Variants in MED12L observed in about 807,000 individuals in gnomAD.
The protein encoded by MED12L is mediator complex subunit 12L, also known as mediator of RNA polymerase II transcription subunit 12-like protein.
A neutral mutation model predicts 281.3 loss-of-function variants in MED12L; 60 were observed. That is an observed-to-expected ratio of 0.21 (90% CI 0.17 to 0.26). The LOEUF (loss-of-function observed/expected upper bound fraction) is 0.26. Among genes scored for constraint, MED12L ranks in the 10% least tolerant of loss-of-function variants. The probability of loss-of-function intolerance (pLI) is 1.00; values close to 1 mark genes in which losing one functional copy is unlikely to be tolerated. For missense variants in MED12L, 2,146 were observed against 2,680.9 expected, an observed-to-expected ratio of 0.80 and a Z score of 4.41; for synonymous variants, 974 against 987.2, an observed-to-expected ratio of 0.99 and a Z score of 0.25.
At chr3:151,309,566 T>C (rs548557317) in intron 16 of MED12L, among the ~76,000 whole-genome samples, 4 of 152,310 alleles carry the variant, frequency 2.6e-5, no homozygotes, top group East Asian at 1.9e-4. Flanking sequence ...CTGCCTCTTA[T>C]CTATTAGGCA....
intron 16 of MED12L, among the ~76,000 whole-genome samples, chr3:151,249,450 G>GT (rs751054905): frequency 6.6e-6 from 1 of 152,174 alleles, no homozygotes; most frequent in Non-Finnish European, 1.5e-5. Context: ...CAGGAAAGCT[G>GT]TTTAAGTAGG....
intron 16 of MED12L, among the ~76,000 whole-genome samples, chr3:151,265,999 C>T (rs1282840625): frequency 6.6e-6 from 1 of 152,130 alleles, no homozygotes; most frequent in Non-Finnish European, 1.5e-5. Flanking sequence ...TTGTCTGTGC[C>T]TTCAGGTTGC....
intron 16 of MED12L, among the ~76,000 whole-genome samples, chr3:151,347,769 A>G (rs1752708882): frequency 1.3e-5 from 2 of 152,306 alleles, no homozygotes; most frequent in African/African-American, 4.8e-5. Flanking sequence ...AGCATTTTAC[A>G]CGCTTTATCC....
rs1716050598 is a variant in MED12L, at chr3:151,404,399, A to G, written c.5821-4844A>G. Among the ~76,000 whole-genome samples, 4 of 152,322 alleles carry G rather than the reference A, an allele frequency of 2.6e-5. 1 individual carries two copies. In the South Asian group the frequency reaches 8.3e-4, roughly 32 times the overall value. ...GTTCATTGATTCCCAACCAAGTCGT[A>G]TTTGAGGTGAAAACTTTTAAAAGTA... On this transcript the variant is annotated intron_variant, in intron 39 of 44. Coordinates refer to ENST00000687756, the MANE Select transcript of MED12L (RefSeq NM_001393769.1).
At chr3:151,327,052 G>A (rs960512668) in intron 16 of MED12L, 2 of 152,190 alleles carry the variant, frequency 1.3e-5, no homozygotes, top group African/African-American at 4.8e-5. Flanking sequence ...GTCGTATTAT[G>A]GGAGATACCA....
intron 5 of MED12L, among the ~76,000 whole-genome samples, chr3:151,139,650 G>A: frequency 6.6e-6 from 1 of 152,172 alleles, no homozygotes; most frequent in East Asian, 1.9e-4. Context: ...ATGTAAGCAA[G>A]GTCTTGATGG....
chr3:151,374,215 G>A (rs1477301364), intron 27 of MED12L, among the ~76,000 whole-genome samples: 5 of 139,704 alleles, frequency 3.6e-5, no homozygotes, highest in Admixed American at 7.1e-5. Flanking sequence ...GCTATCCAGC[G>A]CTTTGTCAAA....
At chr3:151,185,002 TG>T (rs1723102708) in intron 11 of MED12L, among the ~76,000 whole-genome samples, 1 of 152,120 alleles carries the variant, frequency 6.6e-6, no homozygotes, top group African/African-American at 2.4e-5. Flanking sequence ...AGTCAGTGGT[TG>T]TTTTTTTCCC....
intron 16 of MED12L, among the ~76,000 whole-genome samples, chr3:151,215,419 A>G (rs894539496): frequency 2.0e-5 from 3 of 152,004 alleles, no homozygotes; most frequent in African/African-American, 4.8e-5. Flanking sequence ...GTAATATTCT[A>G]CAAATGCTCT....
intron 16 of MED12L, chr3:151,294,985 G>C (rs772562403): frequency 1.2e-6 from 2 of 1,613,516 alleles, no homozygotes; most frequent in South Asian, 2.2e-5. Flanking sequence ...TCATTATGAG[G>C]TCTGCAACCA....
At chr3:151,327,875 G>C (rs1207997684) in intron 16 of MED12L, 7 of 744,320 alleles carry the variant, frequency 9.4e-6, no homozygotes, top group African/African-American at 1.8e-5. Context: ...CTGTACACGA[G>C]GATAATAAAA....
chr3:151,424,793 C>T (rs1341509686), intron 43 of MED12L, among the ~76,000 whole-genome samples: 2 of 152,190 alleles, frequency 1.3e-5, no homozygotes, highest in South Asian at 4.1e-4. Flanking sequence ...ATGCACAACC[C>T]TATACGTTGT....
intron 11 of MED12L, among the ~76,000 whole-genome samples, chr3:151,167,626 C>T (rs1012129696): frequency 3.9e-5 from 6 of 152,258 alleles, no homozygotes; most frequent in African/African-American, 1.2e-4. Context: ...TCATTCAGAA[C>T]GTTGAGAGCA....
intron 2 of MED12L, 76 bp downstream of exon 2, chr3:151,087,101 G>C: frequency 8.2e-7 from 1 of 1,214,960 alleles, no homozygotes; most frequent in East Asian, 2.6e-5. Context: ...TTGGCCCAGC[G>C]GGCATCGCCG....
In MED12L at chr3:151,153,098, A is replaced by T. The variant is rs540574129; in HGVS notation, c.557-3063A>T. ...CACAATTTTTGTACTACTAAAACAA[A>T]GCACTCAGTGTACTACTGTTTTAGC... On this transcript the variant is annotated intron_variant, in intron 5 of 44. Coordinates refer to ENST00000687756, the MANE Select transcript of MED12L (RefSeq NM_001393769.1). Among the ~76,000 whole-genome samples the T allele has an allele frequency of 5.3e-5, 8 of 152,352 alleles. No homozygotes were observed. The East Asian group carries it at 1.5e-3, about 29-fold the overall frequency.
At position 151,181,612 on chromosome 3, in the gene MED12L, G is replaced by A. The variant is rs148163035; in HGVS notation, c.1495-3718G>A. On this transcript the variant is annotated intron_variant, in intron 11 of 44. Coordinates refer to ENST00000687756, the MANE Select transcript of MED12L (RefSeq NM_001393769.1). ...TTTTTTTTTTTTTTTTTAAGATGGA[G>A]TCTCACTCTGCTGCCCAGGCTGGAG... 7.2e-3 allele frequency among the ~76,000 whole-genome samples: 844 copies of A among 118,038 alleles called. 11 individuals are homozygous for A. The highest frequency in any genetic ancestry group is 0.026 in the African/African-American group (813 of 30,886). The allele number at this position is 118,038 out of a possible 152,430, so 77.4% of individuals were successfully genotyped here.
intron 28 of MED12L, among the ~76,000 whole-genome samples, 165 bp downstream of exon 28, chr3:151,376,379 G>A (rs2108066697): frequency 6.6e-6 from 1 of 152,228 alleles, no homozygotes; most frequent in Non-Finnish European, 1.5e-5. Flanking sequence ...TTGGGTGGAT[G>A]TACATGCTGC....
intron 16 of MED12L, among the ~76,000 whole-genome samples, chr3:151,301,848 T>A (rs1745972232): frequency 6.6e-6 from 1 of 152,236 alleles, no homozygotes; most frequent in Non-Finnish European, 1.5e-5. Context: ...TTTGGCAGTT[T>A]CTTAAAAAGT....
intron 28 of MED12L, 31 bp from the exon 29 acceptor site, chr3:151,376,769 A>G (rs1428738152): frequency 3.2e-6 from 5 of 1,562,246 alleles, no homozygotes; most frequent in Non-Finnish European, 4.4e-6. Flanking sequence ...TTTGATACCC[A>G]TAATGTTTTA....
Sources: allele counts gnomAD v4.1 joint callset (sites outside exome capture counted in the v4.1 genomes callset), GRCh38; gene constraint gnomAD v4.1.1; transcripts MANE v1.5; gene names NCBI Gene and HGNC (gene_info 2026-07-23, HGNC 2026-07-21).